Variants in FNIP1 observed in about 807,000 individuals in gnomAD.
FNIP1 encodes folliculin interacting protein 1.
Under a neutral mutation model 124.5 loss-of-function variants are expected in FNIP1, and 40 were observed. The observed-to-expected ratio is 0.32, with a 90% CI of 0.25 to 0.42. The LOEUF (loss-of-function observed/expected upper bound fraction) is 0.42, where lower values mean the gene tolerates loss of function less well. Among genes scored for constraint, FNIP1 ranks in the 10% least tolerant of loss-of-function variants. The pLI, the probability that FNIP1 is intolerant of heterozygous loss-of-function variation, is 1.00. For missense variants in FNIP1, 1,176 were observed against 1,403.7 expected, an observed-to-expected ratio of 0.84 and a Z score of 2.59; for synonymous variants, 472 against 470.6, an observed-to-expected ratio of 1.00 and a Z score of -0.04.
chr5:131,792,449 C>T (rs1168501364), intron 1 of FNIP1, among the ~76,000 whole-genome samples: 1 of 152,168 alleles, frequency 6.6e-6, no homozygotes, highest in Non-Finnish European at 1.5e-5. Context: ...GCATGAGCCA[C>T]CGTGCCCAGC....
At chr5:131,792,714 T>C (rs1561712135) in intron 1 of FNIP1, among the ~76,000 whole-genome samples, 1 of 152,354 alleles carries the variant, frequency 6.6e-6, no homozygotes, top group East Asian at 1.9e-4. Flanking sequence ...CGACACTTTG[T>C]GCACAAAATC....
chr5:131,670,048 A>C (rs1011384577), intron 15 of FNIP1, among the ~76,000 whole-genome samples: 9 of 152,196 alleles, frequency 5.9e-5, no homozygotes, highest in African/African-American at 2.2e-4. Context: ...ATACAGAAAA[A>C]TGAATAGACT....
rs192067783 is a variant in FNIP1 at position 131,739,394 on chromosome 5, T to C, written c.219+5170A>G. ...AGTCTAAATTAATCTTTCTTCCACA[T>C]GGCTAATTGTCTCAACACCATTTAA... On this transcript the variant is annotated intron_variant, in intron 2 of 17. Coordinates refer to ENST00000510461, the MANE Select transcript of FNIP1 (RefSeq NM_133372.3). 2.1e-4 allele frequency among the ~76,000 whole-genome samples: 32 copies of C among 152,322 alleles called. No homozygotes were observed. In the East Asian group the frequency reaches 6.0e-3, roughly 28 times the overall value.
intron 1 of FNIP1, among the ~76,000 whole-genome samples, chr5:131,775,591 A>G (rs900968997): frequency 2.1e-5 from 3 of 146,122 alleles, no homozygotes; most frequent in South Asian, 4.3e-4. Context: ...GAAGTGGCGC[A>G]CTCTCGGCTC....
chr5:131,690,586 C>T (rs563912701), intron 11 of FNIP1, among the ~76,000 whole-genome samples: 15 of 152,248 alleles, frequency 9.9e-5, no homozygotes, highest in African/African-American at 1.7e-4. Context: ...CTTCACACTC[C>T]GCCATAATTA....
At chr5:131,755,083 G>T (rs1580812844) in intron 1 of FNIP1, among the ~76,000 whole-genome samples, 1 of 152,150 alleles carries the variant, frequency 6.6e-6, no homozygotes, top group South Asian at 2.1e-4. Flanking sequence ...AGTTCAAGGG[G>T]GCTGCGAGAC....
intron 1 of FNIP1, among the ~76,000 whole-genome samples, chr5:131,793,513 C>T (rs1412491747): frequency 6.6e-6 from 1 of 152,126 alleles, no homozygotes; most frequent in Non-Finnish European, 1.5e-5. Flanking sequence ...AAAAAATACA[C>T]TCCCCATAAT....
chr5:131,654,250 C>G (rs1461987886), intron 15 of FNIP1, among the ~76,000 whole-genome samples: 1 of 152,122 alleles, frequency 6.6e-6, no homozygotes, highest in Non-Finnish European at 1.5e-5. Context: ...GTGACCCTAC[C>G]TTTAATATTT....
chr5:131,741,534 A>C (rs1770513111), intron 2 of FNIP1, among the ~76,000 whole-genome samples: 1 of 152,236 alleles, frequency 6.6e-6, no homozygotes, highest in African/African-American at 2.4e-5. Flanking sequence ...TGGAAATACA[A>C]AAATGATCTG....
At chr5:131,755,420 T>TA (rs544194641) in intron 1 of FNIP1, among the ~76,000 whole-genome samples, 13,446 of 118,718 alleles carry the variant, frequency 0.11, 1,479 homozygotes, top group African/African-American at 0.3. Flanking sequence ...GACTCAATCT[T>TA]AAAAAAAAAA....
At chr5:131,747,614 G>A (rs1247132408) in intron 1 of FNIP1, among the ~76,000 whole-genome samples, 1 of 152,088 alleles carries the variant, frequency 6.6e-6, no homozygotes, top group African/African-American at 2.4e-5. Context: ...AACTACCACG[G>A]GAGTCACTAA....
In FNIP1 at chr5:131,670,519, C is replaced by A. The variant is rs764853316; in HGVS notation, c.3052G>T (p.Gly1018Trp). 6.2e-7 allele frequency: 1 copy of A among 1,613,634 alleles called. No individual in the cohort carries two copies. The highest frequency in any genetic ancestry group is 1.7e-5 in the Admixed American group (1 of 59,868). Residue 1018 changes from glycine to tryptophan, a missense_variant, in exon 15 of 18, where the codon GGG becomes TGG. By Grantham distance (184) the Gly-to-Trp change is radical. This residue lies in a region of FNIP1 where 1,109 missense variants were observed against 1,288.5 expected (regional missense o/e 0.86). Coordinates refer to ENST00000510461, the MANE Select transcript of FNIP1 (RefSeq NM_133372.3). ...YVPDFVLQGI[G>W]SDERFRQCLM... ...CACTGACGGAACCTCTCATCACTCC[C>A]AATTCCTTGAAGAACAAAGTCAGGC...
At chr5:131,706,597 T>G (rs1191817486) in intron 8 of FNIP1, 51 bp from the exon 9 acceptor site, 2 of 1,415,420 alleles carry the variant, frequency 1.4e-6, no homozygotes, top group Non-Finnish European at 9.3e-7. Context: ...CTAAGCATAA[T>G]GACAAATTTC....
intron 7 of FNIP1, among the ~76,000 whole-genome samples, chr5:131,709,520 A>G (rs555891514): frequency 6.6e-6 from 1 of 152,326 alleles, no homozygotes; most frequent in East Asian, 1.9e-4. Flanking sequence ...AGTGACTAAA[A>G]GTCATATTTT....
rs1016840625 is a variant in FNIP1 at position 131,731,993 on chromosome 5, T to C, written c.220-955A>G. Among the ~76,000 whole-genome samples the C allele has an allele frequency of 2.6e-5, 4 of 152,242 alleles. No homozygotes were observed. The South Asian group carries it at 6.2e-4, about 24-fold the overall frequency. Reference sequence around the variant, plus strand: ...AATAAATAAAATTTTAATGAGAGAATGAACTTAGGACCAGATGGTTGTGCA... The same window carrying C: ...AATAAATAAAATTTTAATGAGAGAACGAACTTAGGACCAGATGGTTGTGCA... On this transcript the variant is annotated intron_variant, in intron 2 of 17. Coordinates refer to ENST00000510461, the MANE Select transcript of FNIP1 (RefSeq NM_133372.3).
intron 15 of FNIP1, 77 bp from the exon 16 acceptor site, chr5:131,652,076 T>G: frequency 7.2e-7 from 1 of 1,384,306 alleles, no homozygotes; most frequent in Non-Finnish European, 9.8e-7. Flanking sequence ...GCAATGAAGG[T>G]TTACTAAACA....
At position 131,752,074 on chromosome 5, in the gene FNIP1, C is replaced by T. The variant is rs534303926; in HGVS notation, c.93-7384G>A. Among the ~76,000 whole-genome samples the T allele has an allele frequency of 7.9e-5, 12 of 152,156 alleles. No individual in the cohort carries two copies. In the East Asian group the frequency reaches 9.7e-4, roughly 12 times the overall value. On this transcript the variant is annotated intron_variant, in intron 1 of 17. Transcript: ENST00000510461. ...TCTTTTTTTTTGGAGACAAGAGTTT[C>T]GCTCTGTTGCACAGGCTGGAGTGCA...
At chr5:131,787,245 G>A (rs1772246621) in intron 1 of FNIP1, among the ~76,000 whole-genome samples, 1 of 152,178 alleles carries the variant, frequency 6.6e-6, no homozygotes, top group Non-Finnish European at 1.5e-5. Flanking sequence ...AAATCTTGGA[G>A]TACAGAGTCT....
At chr5:131,676,810 T>TG (rs906992255) in intron 13 of FNIP1, among the ~76,000 whole-genome samples, 6 of 151,986 alleles carry the variant, frequency 3.9e-5, no homozygotes, top group Non-Finnish European at 8.8e-5. Context: ...TGGAAGGGAA[T>TG]GGGGGAGGGA....
Sources: gnomAD v4.1 joint callset for allele counts (sites outside exome capture counted in the v4.1 genomes callset) on GRCh38, gnomAD v4.1.1 for gene constraint, gnomAD v4.1.1 regional missense constraint, MANE v1.5 for transcripts, NCBI Gene and HGNC (gene_info 2026-07-23, HGNC 2026-07-21) for gene names.